KCNH5: variants seen among roughly 807,000 people sequenced by gnomAD.
KCNH5 encodes potassium voltage-gated channel subfamily H member 5.
Under a neutral mutation model 96.1 loss-of-function variants are expected in KCNH5, and 46 were observed. The observed-to-expected ratio is 0.48, with a 90% confidence interval of 0.38 to 0.61. The LOEUF (loss-of-function observed/expected upper bound fraction) is 0.61, where lower values mean the gene tolerates loss of function less well. Ranked by LOEUF, KCNH5 falls within the 20% of genes least tolerant of loss-of-function variation. The pLI is 0.00. For synonymous variants in KCNH5, 439 were observed against 449.8 expected (o/e 0.98, Z 0.30); for missense variants, 907 against 1,225.8 (o/e 0.74, Z 3.88).
intron 10 of KCNH5, among the ~76,000 whole-genome samples, chr14:62,753,461 C>A (rs1885547666): frequency 1.3e-5 from 2 of 152,018 alleles, no homozygotes; most frequent in Non-Finnish European, 2.9e-5. Context: ...CAAACATAGA[C>A]AAAGATACCA....
At chr14:62,752,409 C>T (rs1885521863) in intron 10 of KCNH5, among the ~76,000 whole-genome samples, 1 of 151,900 alleles carries the variant, frequency 6.6e-6, no homozygotes, top group Non-Finnish European at 1.5e-5. Flanking sequence ...CTCTTGGGGT[C>T]CCAGATTGCA....
At chr14:62,875,281 G>C (rs1404473720) in intron 7 of KCNH5, among the ~76,000 whole-genome samples, 10 of 151,698 alleles carry the variant, frequency 6.6e-5, no homozygotes, top group Non-Finnish European at 1.2e-4. Flanking sequence ...GTAATTTATA[G>C]ATTCAATGCC....
chr14:62,746,038 C>G (rs1364290014), intron 10 of KCNH5, among the ~76,000 whole-genome samples: 1 of 152,126 alleles, frequency 6.6e-6, no homozygotes, highest in Non-Finnish European at 1.5e-5. Flanking sequence ...GAAGTGGCGA[C>G]AGAGGCAAGA....
intron 7 of KCNH5, among the ~76,000 whole-genome samples, chr14:62,941,980 A>G (rs968964936): frequency 2.6e-5 from 4 of 152,118 alleles, no homozygotes; most frequent in Admixed American, 1.3e-4. Context: ...TTCTATATGG[A>G]AAAACACTTC....
intron 10 of KCNH5, among the ~76,000 whole-genome samples, chr14:62,729,031 A>G (rs1471194971): frequency 6.6e-6 from 1 of 152,148 alleles, no homozygotes; most frequent in Non-Finnish European, 1.5e-5. Flanking sequence ...TAAAATTTCA[A>G]TTTTTCCCAA....
chr14:62,957,229 C>G (rs1432154828), intron 6 of KCNH5, among the ~76,000 whole-genome samples: 1 of 152,176 alleles, frequency 6.6e-6, no homozygotes, highest in Non-Finnish European at 1.5e-5. Flanking sequence ...GAGATGTTAT[C>G]AGCATAAAAT....
chr14:62,917,354 GTT>G (rs200737675), intron 7 of KCNH5, among the ~76,000 whole-genome samples: 80 of 134,642 alleles, frequency 5.9e-4, no homozygotes, highest in East Asian at 2.2e-3. Flanking sequence ...GGTTTGTTAG[GTT>G]TTTTTTTTTT....
At chr14:62,868,592 T>C (rs577639024) in intron 7 of KCNH5, among the ~76,000 whole-genome samples, 2 of 152,292 alleles carry the variant, frequency 1.3e-5, no homozygotes, top group African/African-American at 4.8e-5. Context: ...CTGGGACATA[T>C]GTGCTGAACG....
intron 10 of KCNH5, among the ~76,000 whole-genome samples, chr14:62,770,352 G>A (rs916054169): frequency 3.3e-5 from 5 of 152,146 alleles, no homozygotes; most frequent in Admixed American, 2.6e-4. Flanking sequence ...TAATATGAAC[G>A]TTTTCTGGAA....
chr14:62,757,139 T>C (rs1885640970), intron 10 of KCNH5, among the ~76,000 whole-genome samples: 2 of 152,160 alleles, frequency 1.3e-5, no homozygotes, highest in African/African-American at 4.8e-5. Flanking sequence ...GCAAAAGATC[T>C]GAGTAGACAT....
chr14:62,860,029 T>C lies in KCNH5; in HGVS notation c.1370-10177A>G, dbSNP rs148481565. 6.6e-5 allele frequency among the ~76,000 whole-genome samples: 10 copies of C among 152,326 alleles called. No individual in the cohort carries two copies. In the East Asian group the frequency reaches 1.9e-3, roughly 29 times the overall value. ...TCACATATATATCACTTCCATTTGATGATAGAATGCTGCTGTGCATGACTC... is the reference window on the plus strand; with the variant it reads ...TCACATATATATCACTTCCATTTGACGATAGAATGCTGCTGTGCATGACTC... On this transcript the variant is annotated intron_variant, in intron 7 of 10. Transcript: ENST00000322893.
intron 8 of KCNH5, among the ~76,000 whole-genome samples, chr14:62,818,430 A>G (rs1887044975): frequency 6.6e-6 from 1 of 152,198 alleles, no homozygotes; most frequent in Non-Finnish European, 1.5e-5. Context: ...TTCTAAAACC[A>G]TTAAGTATGA....
chr14:62,711,648 C>T (rs913365758), intron 10 of KCNH5, among the ~76,000 whole-genome samples: 6 of 152,162 alleles, frequency 3.9e-5, no homozygotes, highest in East Asian at 1.9e-4. Flanking sequence ...CAATGCACAG[C>T]GGAAAAACAT....
At chr14:62,789,306 A>G (rs1018458347) in intron 9 of KCNH5, among the ~76,000 whole-genome samples, 1 of 151,988 alleles carries the variant, frequency 6.6e-6, no homozygotes, top group African/African-American at 2.4e-5. Context: ...TATACATACT[A>G]CATTTTCTTT....
At chr14:62,885,683 C>A (rs748401766) in intron 7 of KCNH5, among the ~76,000 whole-genome samples, 2 of 152,096 alleles carry the variant, frequency 1.3e-5, no homozygotes, top group African/African-American at 2.4e-5. Context: ...TCAGGGAGTT[C>A]GAGTTCAGCA....
chr14:62,774,754 C>T (rs902888277), intron 10 of KCNH5, among the ~76,000 whole-genome samples: 2 of 152,056 alleles, frequency 1.3e-5, no homozygotes, highest in Non-Finnish European at 2.9e-5. Flanking sequence ...CTCTCTCATC[C>T]CTTTTCTGAA....
chr14:62,703,819 A>G lies in KCNH5; in HGVS notation c.*3689T>C, dbSNP rs1178028348. 6.6e-6 allele frequency: 1 copy of G among 151,892 alleles called. No individual in the cohort carries two copies. The highest frequency in any genetic ancestry group is 1.5e-5 in the Non-Finnish European group (1 of 67,804). 9.4% of individuals were successfully genotyped at this position (151,892 alleles called of 1,614,324 possible). A position where few individuals can be genotyped will look rare whatever the true frequency, so the allele number is the denominator to read the frequency against. ...TCTCATTACCTACATGGAATTTTGG[A>G]AAACAAACTCATAGAAAATTGCTTA... On this transcript the variant is annotated 3_prime_UTR_variant, in exon 11 of 11. Coordinates refer to ENST00000322893, the MANE Select transcript of KCNH5 (RefSeq NM_139318.5).
chr14:62,800,413 G>A (rs1299388372), intron 9 of KCNH5, among the ~76,000 whole-genome samples: 2 of 152,130 alleles, frequency 1.3e-5, no homozygotes, highest in African/African-American at 4.8e-5. Flanking sequence ...CTGTCTCACT[G>A]AGCAAATTGT....
At chr14:62,837,949 G>T (rs1050025090) in intron 8 of KCNH5, among the ~76,000 whole-genome samples, 2 of 152,128 alleles carry the variant, frequency 1.3e-5, no homozygotes, top group African/African-American at 4.8e-5. Context: ...GGGCTGGGTT[G>T]TTTCTCATTT....
Sources: gnomAD v4.1 joint callset for allele counts (sites outside exome capture counted in the v4.1 genomes callset) on GRCh38, gnomAD v4.1.1 for gene constraint, MANE v1.5 for transcripts, NCBI Gene and HGNC (gene_info 2026-07-23, HGNC 2026-07-21) for gene names.